Variants in ACBD6 observed in about 807,000 individuals in gnomAD.
ACBD6 encodes the protein acyl-CoA-binding domain-containing protein 6.
In ACBD6, 28 loss-of-function variants were observed where a neutral mutation model predicts 37.2. The ratio of observed to expected loss-of-function variants is 0.75; its 90% CI spans 0.56 to 1.03. ACBD6 has a LOEUF of 1.03. ACBD6 is among the 50% of genes least tolerant of loss of function. The pLI, the probability that ACBD6 is intolerant of heterozygous loss-of-function variation, is 0.00. For synonymous variants in ACBD6, 113 were observed against 126.8 expected, an observed-to-expected ratio of 0.89 and a Z score of 0.73; for missense variants, 340 against 337.4, an observed-to-expected ratio of 1.01 and a Z score of -0.06.
intron 6 of ACBD6, among the ~76,000 whole-genome samples, chr1:180,387,427 C>A (rs954478937): frequency 6.6e-6 from 1 of 152,200 alleles, no homozygotes; most frequent in African/African-American, 2.4e-5. Context: ...CACTTGGTCT[C>A]CACTGACACC....
At chr1:180,428,604 G>A (rs1648692306) in intron 4 of ACBD6, among the ~76,000 whole-genome samples, 1 of 152,078 alleles carries the variant, frequency 6.6e-6, no homozygotes, top group Non-Finnish European at 1.5e-5. Flanking sequence ...GATTTGCTTC[G>A]TGTTCTGTAG....
intron 3 of ACBD6, among the ~76,000 whole-genome samples, chr1:180,481,388 A>T (rs1651037772): frequency 6.6e-6 from 1 of 152,184 alleles, no homozygotes. Flanking sequence ...CAGTTTTGAA[A>T]ATCATCAACA....
At chr1:180,349,267 CT>C (rs11318564) in intron 6 of ACBD6, among the ~76,000 whole-genome samples, 131,452 of 139,278 alleles carry the variant, frequency 0.94, 62,039 homozygotes, top group African/African-American at 0.98. Context: ...ATTTTAATTT[CT>C]TTTTTTTTTT....
chr1:180,302,627 G>A (rs1571335611), intron 7 of ACBD6, among the ~76,000 whole-genome samples: 1 of 152,038 alleles, frequency 6.6e-6, no homozygotes, highest in African/African-American at 2.4e-5. Flanking sequence ...GACCTAGAAA[G>A]AGACTTAGAC....
chr1:180,427,943 C>CA (rs899109354), intron 4 of ACBD6, among the ~76,000 whole-genome samples: 5 of 149,170 alleles, frequency 3.4e-5, no homozygotes, highest in African/African-American at 1.2e-4. Context: ...AACCAAAAAC[C>CA]AAAAAACAAC....
chr1:180,378,247 T>C (rs1391467176), intron 6 of ACBD6, among the ~76,000 whole-genome samples: 1 of 152,080 alleles, frequency 6.6e-6, no homozygotes, highest in Non-Finnish European at 1.5e-5. Flanking sequence ...AGAGAAAACA[T>C]CAGACAAACC....
intron 7 of ACBD6, among the ~76,000 whole-genome samples, chr1:180,291,669 T>A (rs1649712578): frequency 6.6e-6 from 1 of 152,158 alleles, no homozygotes; most frequent in African/African-American, 2.4e-5. Flanking sequence ...TTTTTAAGAG[T>A]ATCTTGAAGA....
intron 1 of ACBD6, 56 bp from the exon 2 acceptor site, chr1:180,495,581 T>A (rs1571583881): frequency 7.2e-7 from 1 of 1,386,952 alleles, no homozygotes; most frequent in East Asian, 2.3e-5. Flanking sequence ...TCTGGGAAAC[T>A]TTTCCTTTTC....
intron 6 of ACBD6, among the ~76,000 whole-genome samples, chr1:180,323,729 T>G (rs912094306): frequency 1.3e-5 from 2 of 152,112 alleles, no homozygotes; most frequent in African/African-American, 2.4e-5. Flanking sequence ...TGCTCTTTTT[T>G]TGTTTCCACT....
chr1:180,435,912 A>G, intron 3 of ACBD6: 2 of 1,384,988 alleles, frequency 1.4e-6, no homozygotes, highest in Middle Eastern at 2.5e-4. Context: ...GGTGGCCACA[A>G]GCTTGGTTTA....
At chr1:180,448,088 A>G (rs1009354376) in intron 3 of ACBD6, among the ~76,000 whole-genome samples, 23 of 152,326 alleles carry the variant, frequency 1.5e-4, no homozygotes, top group East Asian at 9.6e-4. Context: ...ATGAATTTTT[A>G]ACTAGCTACA....
chr1:180,376,331 T>G (rs1303493859), intron 6 of ACBD6, among the ~76,000 whole-genome samples: 1 of 152,204 alleles, frequency 6.6e-6, no homozygotes, highest in African/African-American at 2.4e-5. Context: ...CTTACAGGAA[T>G]CTATCCTGAA....
intron 8 of ACBD6, among the ~76,000 whole-genome samples, chr1:180,281,704 T>G (rs991320548): frequency 6.6e-6 from 1 of 152,082 alleles, no homozygotes; most frequent in African/African-American, 2.4e-5. Context: ...GTCTCATGAC[T>G]GCCACAGGGA....
At chr1:180,409,934 C>T (rs555732992) in intron 5 of ACBD6, among the ~76,000 whole-genome samples, 3 of 152,286 alleles carry the variant, frequency 2.0e-5, no homozygotes, top group Non-Finnish European at 1.5e-5. Context: ...CCTCTTGTGC[C>T]AAACTGCCAA....
intron 6 of ACBD6, among the ~76,000 whole-genome samples, chr1:180,364,069 C>T (rs182568841): frequency 6.6e-6 from 1 of 152,224 alleles, no homozygotes; most frequent in East Asian, 1.9e-4. Context: ...AAAGGGATGG[C>T]AAATATTTAA....
Position 180,502,556 on chromosome 1 carries a change from G to C in ACBD6, c.-290C>G. The C allele has an allele frequency of 2.2e-6, 1 of 458,210 alleles. No individual in the cohort carries two copies. Among genetic ancestry groups the C allele is most frequent in the Non-Finnish European group, 4.1e-6 (1 of 246,588 alleles). The allele number at this position is 458,210 out of a possible 1,614,324, so 28.4% of individuals were successfully genotyped here. On this transcript the variant is annotated 5_prime_UTR_variant, in exon 1 of 8. Transcript: ENST00000367595. ...CAGGCTCGCCTCAGGCCCCTCCAAC[G>C]GAACAGGAGTCGAGGGGCAGTGAGG...
intron 6 of ACBD6, among the ~76,000 whole-genome samples, chr1:180,377,121 GA>G (rs202004570): frequency 1.3e-5 from 2 of 149,456 alleles, no homozygotes; most frequent in South Asian, 2.1e-4. Flanking sequence ...GAGTTGAACA[GA>G]AAAAAAAACA....
intron 3 of ACBD6, among the ~76,000 whole-genome samples, chr1:180,444,278 C>T (rs1435223632): frequency 2.1e-5 from 3 of 143,642 alleles, no homozygotes; most frequent in African/African-American, 5.5e-5. Flanking sequence ...AGTGAGATTC[C>T]GTCTCTCCAA....
At chr1:180,500,948 T>C (rs1195982000) in intron 1 of ACBD6, among the ~76,000 whole-genome samples, 1 of 151,944 alleles carries the variant, frequency 6.6e-6, no homozygotes, top group African/African-American at 2.4e-5. Flanking sequence ...GTCTTGCACA[T>C]AAAAGCTGCT....
Sources: gnomAD v4.1 joint callset for allele counts (sites outside exome capture counted in the v4.1 genomes callset) on GRCh38, gnomAD v4.1.1 for gene constraint, MANE v1.5 for transcripts, NCBI Gene and HGNC (gene_info 2026-07-23, HGNC 2026-07-21) for gene names.